FIGN: variants seen among roughly 807,000 people sequenced by gnomAD.
FIGN encodes the protein fidgetin.
FIGN carries 11 observed loss-of-function variants against 51.3 expected under a neutral mutation model. The ratio of observed to expected loss-of-function variants is 0.21; its 90% CI spans 0.13 to 0.35. FIGN has a LOEUF of 0.35. Among genes scored for constraint, FIGN ranks in the 10% least tolerant of loss-of-function variants. The probability of loss-of-function intolerance (pLI) is 1.00; values close to 1 mark genes in which losing one functional copy is unlikely to be tolerated. For synonymous variants in FIGN, 407 were observed against 363.2 expected, an observed-to-expected ratio of 1.12 and a Z score of -1.37; for missense variants, 857 against 943.6, an observed-to-expected ratio of 0.91 and a Z score of 1.20.
intron 2 of FIGN, among the ~76,000 whole-genome samples, chr2:163,686,463 G>A (rs1415027414): frequency 6.6e-6 from 1 of 152,158 alleles, no homozygotes; most frequent in Non-Finnish European, 1.5e-5. Flanking sequence ...GTACTTTGAT[G>A]AGCAGTGCAA....
intron 2 of FIGN, among the ~76,000 whole-genome samples, chr2:163,669,015 A>AATAT (rs138074416): frequency 0.019 from 2,641 of 138,490 alleles, 55 homozygotes; most frequent in African/African-American, 0.05. Flanking sequence ...GAAAAAAAGG[A>AATAT]ATATATATAT....
At chr2:163,617,394 C>A (rs1453302982) in intron 2 of FIGN, 2 of 213,760 alleles carry the variant, frequency 9.4e-6, no homozygotes, top group Non-Finnish European at 1.6e-5. Context: ...GATCCATTTT[C>A]TATAAGGTGA....
intron 2 of FIGN, among the ~76,000 whole-genome samples, chr2:163,675,538 C>T (rs1342988885): frequency 6.6e-6 from 1 of 152,172 alleles, no homozygotes; most frequent in Non-Finnish European, 1.5e-5. Context: ...TTTAACAAGT[C>T]TTCTGGGTGA....
intron 2 of FIGN, among the ~76,000 whole-genome samples, chr2:163,629,673 T>C (rs879205907): frequency 2.6e-5 from 4 of 152,162 alleles, no homozygotes; most frequent in Admixed American, 2.0e-4. Flanking sequence ...GTATTATCTA[T>C]GGTTGCTTTC....
intron 2 of FIGN, among the ~76,000 whole-genome samples, chr2:163,732,960 C>T (rs1684954572): frequency 6.6e-6 from 1 of 152,184 alleles, no homozygotes; most frequent in African/African-American, 2.4e-5. Context: ...ACTTTCTAGT[C>T]TTTTAGGTTT....
At chr2:163,674,632 A>C (rs1683928663) in intron 2 of FIGN, among the ~76,000 whole-genome samples, 1 of 152,196 alleles carries the variant, frequency 6.6e-6, no homozygotes, top group African/African-American at 2.4e-5. Flanking sequence ...AAATATTTTG[A>C]AGGATACCAT....
chr2:163,694,761 C>T (rs1684289698), intron 2 of FIGN, among the ~76,000 whole-genome samples: 1 of 152,142 alleles, frequency 6.6e-6, no homozygotes, highest in African/African-American at 2.4e-5. Flanking sequence ...GTTAGATACT[C>T]CCCCAATCCT....
chr2:163,663,357 G>A (rs530061492), intron 2 of FIGN, among the ~76,000 whole-genome samples: 11 of 150,360 alleles, frequency 7.3e-5, no homozygotes, highest in South Asian at 4.2e-4. Context: ...TTTTTGAGAC[G>A]GAGTTTTGCT....
intron 2 of FIGN, among the ~76,000 whole-genome samples, chr2:163,726,095 C>T (rs1033028721): frequency 6.6e-6 from 1 of 151,982 alleles, no homozygotes; most frequent in African/African-American, 2.4e-5. Flanking sequence ...TTAAAATCTT[C>T]CCACAGAAAG....
intron 2 of FIGN, among the ~76,000 whole-genome samples, chr2:163,665,539 C>T (rs1306711258): frequency 2.0e-5 from 3 of 152,154 alleles, no homozygotes. Flanking sequence ...ATGTTTCCTT[C>T]AAAACACAGA....
chr2:163,700,538 C>A (rs143508609), intron 2 of FIGN, among the ~76,000 whole-genome samples: 2 of 152,164 alleles, frequency 1.3e-5, no homozygotes, highest in East Asian at 3.9e-4. Context: ...AAGATGAAAT[C>A]CAGAATTCAG....
Position 163,610,958 on chromosome 2 carries a change from C to T in FIGN, c.874G>A (p.Gly292Ser), listed in dbSNP as rs748294735. The part of the protein sequence containing the change: ...PTPLPPTTVP[G>S]YTYQGHGLTP... ...AAACCATGGCCCTGGTAGGTGTAGC[C>T]AGGAACAGTGGTGGGGGGTAGGGGG... The change falls in exon 3 of 3, where the codon GGC (glycine) becomes AGC (serine). Residue 292 changes from glycine to serine, a missense_variant. Gly to Ser is a moderately conservative substitution (Grantham distance 56). Around this residue, in one of 3 missense-constraint regions of FIGN, gnomAD observed 799 missense variants for 849.5 expected, o/e 0.94. Coordinates refer to ENST00000333129, the MANE Select transcript of FIGN (RefSeq NM_018086.4). 1.5e-5 allele frequency: 24 copies of T among 1,611,046 alleles called. No homozygotes were observed. Among genetic ancestry groups the T allele is most frequent in the Non-Finnish European group, 1.9e-5 (22 of 1,179,480 alleles).
chr2:163,733,241 G>A (rs1684960365), intron 2 of FIGN, among the ~76,000 whole-genome samples: 1 of 151,914 alleles, frequency 6.6e-6, no homozygotes, highest in Non-Finnish European at 1.5e-5. Context: ...TTAAGAGGGG[G>A]GCAATTTACA....
chr2:163,680,638 C>A (rs1345223550), intron 2 of FIGN, among the ~76,000 whole-genome samples: 1 of 152,082 alleles, frequency 6.6e-6, no homozygotes, highest in Non-Finnish European at 1.5e-5. Context: ...TACCTTCCGT[C>A]CTATAATTTG....
Position 163,610,879 on chromosome 2 carries a change from C to A in FIGN, c.953G>T (p.Arg318Met). The A allele has an allele frequency of 1.9e-6, 3 of 1,612,372 alleles. No individual in the cohort carries two copies. Among genetic ancestry groups the A allele is most frequent in the Non-Finnish European group, 2.5e-6 (3 of 1,179,740 alleles). ...TTGCCCTGCCATGTAGAAAGCTTTC[C>A]TTTTGAGAGAACTTGCTGAACTGTT... ...LTNSSASSLK[R>M]KAFYMAGQGD... The change falls in exon 3 of 3, where the codon AGG becomes ATG. Residue 318 changes from arginine to methionine, a missense_variant. Physicochemically the swap from Arg to Met is moderately conservative, Grantham distance 91. Around this residue, in one of 3 missense-constraint regions of FIGN, gnomAD observed 799 missense variants for 849.5 expected, o/e 0.94. Transcript: ENST00000333129.
chr2:163,654,621 G>A (rs986162912), intron 2 of FIGN, among the ~76,000 whole-genome samples: 1 of 152,154 alleles, frequency 6.6e-6, no homozygotes, highest in African/African-American at 2.4e-5. Flanking sequence ...TAAAGACGAA[G>A]GGGAGAGGCA....
At chr2:163,666,840 G>T (rs1286718705) in intron 2 of FIGN, among the ~76,000 whole-genome samples, 1 of 151,212 alleles carries the variant, frequency 6.6e-6, no homozygotes. Flanking sequence ...CATAAATTTG[G>T]ATATACCCCA....
intron 2 of FIGN, among the ~76,000 whole-genome samples, chr2:163,614,004 A>G (rs1682823721): frequency 6.6e-6 from 1 of 152,012 alleles, no homozygotes; most frequent in Admixed American, 6.6e-5. Context: ...ATTTCCCTCA[A>G]CTACCCCCAA....
intron 2 of FIGN, among the ~76,000 whole-genome samples, chr2:163,620,851 T>TTGTGTGTGTG (rs71015594): frequency 0.28 from 41,013 of 147,336 alleles, 6,863 homozygotes; most frequent in Non-Finnish European, 0.38. Context: ...GTGTAAATAT[T>TTGTGTGTGTG]TGTGTGTGTG....
Sources: allele counts gnomAD v4.1 joint callset (sites outside exome capture counted in the v4.1 genomes callset), GRCh38; gene constraint gnomAD v4.1.1; regional missense constraint gnomAD v4.1.1; transcripts MANE v1.5; gene names NCBI Gene and HGNC (gene_info 2026-07-23, HGNC 2026-07-21).